Variants in TGM5 observed in about 807,000 individuals in gnomAD.
TGM5 encodes transglutaminase 5.
A neutral mutation model predicts 77.2 loss-of-function variants in TGM5; 69 were observed. The observed-to-expected ratio is 0.89, with a 90% CI of 0.74 to 1.09. TGM5 has a LOEUF of 1.09. Ranked by LOEUF, TGM5 falls within the 50% of genes least tolerant of loss-of-function variation. The pLI, the probability that TGM5 is intolerant of heterozygous loss-of-function variation, is 0.00. For missense variants in TGM5, 842 were observed against 896.5 expected (o/e 0.94, Z 0.78); for synonymous variants, 346 against 351.8 (o/e 0.98, Z 0.18).
At chr15:43,258,081 G>A (rs1214046662) in intron 3 of TGM5, among the ~76,000 whole-genome samples, 1 of 152,116 alleles carries the variant, frequency 6.6e-6, no homozygotes, top group Non-Finnish European at 1.5e-5. Context: ...CCTGTCGTGG[G>A]GTGGGGGGAA....
chr15:43,236,239 AGAT>A (rs2042589580), intron 9 of TGM5, among the ~76,000 whole-genome samples: 1 of 152,186 alleles, frequency 6.6e-6, no homozygotes, highest in Admixed American at 6.5e-5. Context: ...CTCAAGGGAA[AGAT>A]GAAGGCCCAC....
In TGM5 at chr15:43,234,899, G is replaced by A. The variant is rs2042576651; in HGVS notation, c.1745C>T (p.Ser582Phe). 1 of 1,614,186 alleles carries A rather than the reference G, an allele frequency of 6.2e-7. No homozygotes were observed. The highest frequency in any genetic ancestry group is 8.5e-7 in the Non-Finnish European group (1 of 1,180,024). Reference sequence around the variant, plus strand: ...TGTTGACAGGTACTGGCTGTACTGGGAATAGGAGATTTTGCAGGGGTAGGT... The same window carrying A: ...TGTTGACAGGTACTGGCTGTACTGGAAATAGGAGATTTTGCAGGGGTAGGT... ...AKTYPCKISYSQYSQYLSTDK... is the reference protein window; with the variant it reads ...AKTYPCKISYFQYSQYLSTDK... The change falls in exon 11 of 13, where the codon TCC becomes TTC. Residue 582 changes from serine to phenylalanine, a missense_variant. Around this residue, in one of 2 missense-constraint regions of TGM5, gnomAD observed 815 missense variants for 844.6 expected, o/e 0.96. Coordinates refer to ENST00000220420, the MANE Select transcript of TGM5 (RefSeq NM_201631.4).
At chr15:43,239,287 G>A (rs776083255) in intron 7 of TGM5, 21 bp from the exon 8 acceptor site, 3 of 1,612,160 alleles carry the variant, frequency 1.9e-6, no homozygotes, top group Non-Finnish European at 2.5e-6. Flanking sequence ...CAGAGCCAAG[G>A]GAGACGTTGT....
chr15:43,253,659 A>G (rs757382905), intron 4 of TGM5, 25 bp from the exon 5 acceptor site: 1 of 1,610,046 alleles, frequency 6.2e-7, no homozygotes, highest in South Asian at 1.1e-5. Context: ...GCAGAGAGGG[A>G]AGGCACCCAT....
At chr15:43,260,788 T>C (rs1305300859) in intron 1 of TGM5, 14 of 660,612 alleles carry the variant, frequency 2.1e-5, no homozygotes, top group Admixed American at 2.2e-5. Context: ...TCCTCTTTTT[T>C]CCTTCCTCTC....
At chr15:43,254,905 A>G (rs1566835123) in intron 4 of TGM5, among the ~76,000 whole-genome samples, 1 of 152,174 alleles carries the variant, frequency 6.6e-6, no homozygotes, top group Non-Finnish European at 1.5e-5. Context: ...ATTCATGATA[A>G]GTGACCTGTT....
At chr15:43,256,502 T>C in intron 4 of TGM5, 66 bp downstream of exon 4, 1 of 1,219,712 alleles carries the variant, frequency 8.2e-7, no homozygotes, top group Non-Finnish European at 1.2e-6. Flanking sequence ...GAAGCTCACA[T>C]GTGCCCTGCT....
intron 3 of TGM5, among the ~76,000 whole-genome samples, chr15:43,258,709 C>T (rs992988513): frequency 6.6e-6 from 1 of 152,210 alleles, no homozygotes; most frequent in Admixed American, 6.5e-5. Context: ...CCAGCCAATA[C>T]CCTCCTGTCC....
chr15:43,265,529 C>T (rs1357624442), intron 1 of TGM5, among the ~76,000 whole-genome samples: 1 of 152,158 alleles, frequency 6.6e-6, no homozygotes, highest in Non-Finnish European at 1.5e-5. Context: ...TTAATCTCTG[C>T]CTAAGACAGG....
chr15:43,250,558 C>T (rs1337916779), intron 6 of TGM5, among the ~76,000 whole-genome samples: 1 of 152,168 alleles, frequency 6.6e-6, no homozygotes, highest in East Asian at 1.9e-4. Flanking sequence ...GTTACTATGG[C>T]TATGAAATAA....
intron 1 of TGM5, 25 bp downstream of exon 1, chr15:43,266,815 C>CCT: frequency 6.2e-7 from 1 of 1,614,104 alleles, no homozygotes; most frequent in Non-Finnish European, 8.5e-7. Flanking sequence ...CCCTGAACTC[C>CCT]AGTGGCCACA....
In TGM5 at chr15:43,232,655, A is replaced by T; in HGVS notation, c.*536T>A. The T allele has an allele frequency of 6.2e-6, 1 of 162,550 alleles. No individual in the cohort carries two copies. The highest frequency in any genetic ancestry group is 1.4e-5 in the Non-Finnish European group (1 of 73,628). 10.1% of individuals were successfully genotyped at this position (162,550 alleles called of 1,614,324 possible). ...TTAGCTTTCGCAACAACAAAACAAC[A>T]GTGAGCTGTTCAGCCTGTCTTTTTC... On this transcript the variant is annotated 3_prime_UTR_variant, in exon 13 of 13. Transcript: ENST00000220420.
intron 11 of TGM5, among the ~76,000 whole-genome samples, chr15:43,234,426 C>G (rs2142350847): frequency 6.6e-6 from 1 of 152,346 alleles, no homozygotes; most frequent in South Asian, 2.1e-4. Context: ...CAAGTCTGAA[C>G]TGACTTTCAG....
Position 43,234,894 on chromosome 15 carries a change from A to G in TGM5, c.1750T>C (p.Tyr584His), listed in dbSNP as rs146901531. 5.7e-4 allele frequency: 924 copies of G among 1,614,198 alleles called. 1 individual carries two copies. The highest frequency in any genetic ancestry group is 1.7e-3 in the Admixed American group (105 of 60,034). ...TTGTCTGTTGACAGGTACTGGCTGT[A>G]CTGGGAATAGGAGATTTTGCAGGGG... ...TYPCKISYSQ[Y>H]SQYLSTDKLI... is the part of the protein sequence containing the mutation. Residue 584 changes from tyrosine to histidine, a missense_variant, in exon 11 of 13, where the codon TAC (tyrosine) becomes CAC (histidine). Coordinates refer to ENST00000220420, the MANE Select transcript of TGM5 (RefSeq NM_201631.4).
chr15:43,256,422 C>T lies in TGM5; in HGVS notation c.555+146G>A, dbSNP rs1038599506. ...CCTCCCACTCCCTATGGCTGCTCCT[C>T]GGGCAACCTGGGCTCACAACACACA... On this transcript the variant is annotated intron_variant, in intron 4 of 12. Coordinates refer to ENST00000220420, the MANE Select transcript of TGM5 (RefSeq NM_201631.4). The T allele has an allele frequency of 8.7e-5, 66 of 758,836 alleles. No homozygotes were observed. The Middle Eastern group carries it at 1.8e-3, about 21-fold the overall frequency. The allele number at this position is 758,836 out of a possible 1,614,324, so 47.0% of individuals were successfully genotyped here. A position where few individuals can be genotyped will look rare whatever the true frequency, so the allele number is the denominator to read the frequency against.
rs1036708264 is a variant in TGM5 at position 43,232,601 on chromosome 15, A to G, written c.*590T>C. On this transcript the variant is annotated 3_prime_UTR_variant, in exon 13 of 13. Coordinates refer to ENST00000220420, the MANE Select transcript of TGM5 (RefSeq NM_201631.4). ...ATGACTACATGAGGCAAAGGAGAGC[A>G]AGGTCTGAAGTTTATTCATACTAGG... is the stretch of plus-strand genomic sequence containing the variant. 2 of 157,130 alleles carry G rather than the reference A, an allele frequency of 1.3e-5. No individual in the cohort carries two copies. The highest frequency in any genetic ancestry group is 2.8e-5 in the Non-Finnish European group (2 of 70,966). 9.7% of individuals were successfully genotyped at this position (157,130 alleles called of 1,614,324 possible).
At chr15:43,263,802 A>G (rs543288867) in intron 1 of TGM5, among the ~76,000 whole-genome samples, 2 of 152,326 alleles carry the variant, frequency 1.3e-5, no homozygotes, top group South Asian at 4.1e-4. Flanking sequence ...TGAGAGAAAA[A>G]CCAAATGAAT....
chr15:43,261,482 A>G (rs1566837689), intron 1 of TGM5, among the ~76,000 whole-genome samples: 1 of 151,796 alleles, frequency 6.6e-6, no homozygotes, highest in Non-Finnish European at 1.5e-5. Flanking sequence ...ACAACAGTCA[A>G]AGAAAGTTTC....
chr15:43,260,812 C>A, intron 1 of TGM5: 1 of 606,666 alleles, frequency 1.6e-6, no homozygotes, highest in South Asian at 1.8e-5. Context: ...TCTCTCTGAC[C>A]CTCTATCTTC....
Sources: gnomAD v4.1 joint callset for allele counts (sites outside exome capture counted in the v4.1 genomes callset) on GRCh38, gnomAD v4.1.1 for gene constraint, gnomAD v4.1.1 regional missense constraint, MANE v1.5 for transcripts, NCBI Gene and HGNC (gene_info 2026-07-23, HGNC 2026-07-21) for gene names.